GPN2: variants seen among roughly 807,000 people sequenced by gnomAD.
The protein encoded by GPN2 is GPN-loop GTPase 2.
A neutral mutation model predicts 30.1 loss-of-function variants in GPN2; 27 were observed. The observed-to-expected ratio is 0.90, with a 90% confidence interval of 0.66 to 1.24. The LOEUF (loss-of-function observed/expected upper bound fraction) is 1.24. Among genes scored for constraint, GPN2 ranks in the 50% most tolerant of loss-of-function variants. GPN2 has a pLI of 0.00. For missense variants in GPN2, 406 were observed against 405.4 expected, an observed-to-expected ratio of 1.00 and a Z score of -0.01; for synonymous variants, 212 against 174.4, an observed-to-expected ratio of 1.22 and a Z score of -1.70.
intron 4 of GPN2, among the ~76,000 whole-genome samples, chr1:26,880,051 T>G (rs190816277): frequency 6.6e-6 from 1 of 152,234 alleles, no homozygotes; most frequent in Non-Finnish European, 1.5e-5. Flanking sequence ...GATGTCTGGG[T>G]CTGGGGTCTG....
intron 4 of GPN2, among the ~76,000 whole-genome samples, chr1:26,881,279 G>A (rs919731024): frequency 2.0e-5 from 3 of 152,022 alleles, no homozygotes; most frequent in African/African-American, 4.8e-5. Flanking sequence ...GCTTAGTTTC[G>A]CCTACCTTAA....
At chr1:26,882,893 A>G (rs2081871572) in intron 4 of GPN2, among the ~76,000 whole-genome samples, 1 of 152,134 alleles carries the variant, frequency 6.6e-6, no homozygotes, top group Non-Finnish European at 1.5e-5. Context: ...TTCCTGCCTC[A>G]GTGATTAGTA....
At chr1:26,887,283 AAAG>A (rs1557656702) in intron 2 of GPN2, among the ~76,000 whole-genome samples, 1 of 152,158 alleles carries the variant, frequency 6.6e-6, no homozygotes, top group Non-Finnish European at 1.5e-5. Context: ...TTTCTCACTA[AAAG>A]AAGTAAGTTG....
rs1265266487 is a variant in GPN2, at chr1:26,886,143, G to A, written c.569-10C>T. Reference sequence around the variant, plus strand: ...TAGTCCAGGTTGAAGGCTAAAGAGAGAAACCAGTGTTCAGGAGCAACCAGT... The same window carrying A: ...TAGTCCAGGTTGAAGGCTAAAGAGAAAAACCAGTGTTCAGGAGCAACCAGT... On this transcript the variant is annotated splice_polypyrimidine_tract_variant and intron_variant, in intron 2 of 4. Transcript: ENST00000374135. 1.2e-6 allele frequency: 2 copies of A among 1,610,898 alleles called. No homozygotes were observed. Among genetic ancestry groups the A allele is most frequent in the Non-Finnish European group, 1.7e-6 (2 of 1,177,660 alleles).
chr1:26,881,117 G>T (rs1371448499), intron 4 of GPN2, among the ~76,000 whole-genome samples: 1 of 152,182 alleles, frequency 6.6e-6, no homozygotes, highest in Non-Finnish European at 1.5e-5. Flanking sequence ...ACATGGTTTT[G>T]TGAATAGAAT....
intron 2 of GPN2, chr1:26,886,413 A>C: frequency 2.0e-6 from 1 of 500,050 alleles, no homozygotes; most frequent in Admixed American, 2.3e-5. Flanking sequence ...AACTGCAAAC[A>C]GGCTGGGCAC....
rs773861407 is a variant in GPN2 at position 26,879,666 on chromosome 1, C to T, written c.*11G>A. 3 of 1,605,240 alleles carry T rather than the reference C, an allele frequency of 1.9e-6. No individual in the cohort carries two copies. In the South Asian group the frequency reaches 3.3e-5, roughly 18 times the overall value. Reference sequence around the variant, plus strand: ...GATTATGCATCCTGCTCTCCAGGGTCCACCTTGTTGCTACAGCTGCATGGC... The same window carrying T: ...GATTATGCATCCTGCTCTCCAGGGTTCACCTTGTTGCTACAGCTGCATGGC... On this transcript the variant is annotated 3_prime_UTR_variant, in exon 5 of 5. Transcript: ENST00000374135.
rs546397909 is a variant in GPN2, at chr1:26,886,445, C to T, written c.569-312G>A. 5.0e-4 allele frequency: 235 copies of T among 469,206 alleles called. 6 individuals are homozygous for T. The highest frequency in any genetic ancestry group is 2.9e-3 in the South Asian group (190 of 64,484). The allele number at this position is 469,206 out of a possible 1,614,324, so 29.1% of individuals were successfully genotyped here. ...GCACGGTGGCTCATGCCTGTAATCC[C>T]AGCACTTTGGGAAGCCGAGGTGGGT... On this transcript the variant is annotated intron_variant, in intron 2 of 4. Coordinates refer to ENST00000374135, the MANE Select transcript of GPN2 (RefSeq NM_018066.4).
At chr1:26,887,512 G>A (rs2124003526) in intron 2 of GPN2, among the ~76,000 whole-genome samples, 1 of 151,800 alleles carries the variant, frequency 6.6e-6, no homozygotes, top group East Asian at 1.9e-4. Context: ...AGGTTCCTTT[G>A]TTGCTAGAGA....
At chr1:26,885,480 T>C (rs1248488544) in intron 3 of GPN2, among the ~76,000 whole-genome samples, 1 of 151,950 alleles carries the variant, frequency 6.6e-6, no homozygotes, top group African/African-American at 2.4e-5. Context: ...GGCAAAAGTT[T>C]GGTCCACTCT....
intron 2 of GPN2, chr1:26,888,764 A>T: frequency 1.6e-6 from 1 of 633,230 alleles, no homozygotes; most frequent in Non-Finnish European, 2.9e-6. Context: ...AACACCTAAC[A>T]CCATCTGTAG....
At chr1:26,884,332 A>G in intron 3 of GPN2, 42 bp from the exon 4 acceptor site, 2 of 1,580,934 alleles carry the variant, frequency 1.3e-6, no homozygotes, top group Non-Finnish European at 1.7e-6. Context: ...GTGAAACAGA[A>G]GTATGTAAAA....
intron 2 of GPN2, 36 bp from the exon 3 acceptor site, chr1:26,886,169 A>G (rs1157122515): frequency 2.6e-6 from 4 of 1,550,100 alleles, no homozygotes; most frequent in African/African-American, 2.7e-5. Context: ...AGCAACCAGT[A>G]TCAGGCTAAA....
At chr1:26,889,432 C>T (rs553084415) in intron 1 of GPN2, among the ~76,000 whole-genome samples, 1 of 152,306 alleles carries the variant, frequency 6.6e-6, no homozygotes, top group South Asian at 2.1e-4. Context: ...GACATTAACC[C>T]CTTCCATACT....
chr1:26,886,509 G>A (rs2081891905), intron 2 of GPN2: 1 of 452,942 alleles, frequency 2.2e-6, no homozygotes, highest in African/African-American at 2.0e-5. Context: ...AGCCAACATG[G>A]TGAAACTCCA....
intron 4 of GPN2, among the ~76,000 whole-genome samples, chr1:26,880,935 C>T (rs1019649581): frequency 6.6e-5 from 10 of 152,240 alleles, no homozygotes; most frequent in African/African-American, 2.4e-4. Flanking sequence ...CCTTACCCAC[C>T]TACCCTTCAG....
intron 2 of GPN2, among the ~76,000 whole-genome samples, chr1:26,887,488 T>C (rs2081896628): frequency 6.6e-6 from 1 of 152,192 alleles, no homozygotes; most frequent in Admixed American, 6.5e-5. Flanking sequence ...CTGGTCATTT[T>C]ATCTGTCTTC....
chr1:26,889,671 C>T lies in GPN2; in HGVS notation c.411+15G>A. ...ACTCCATCCGCAAAATGGGCCTCCCCGCCCTGAGACGCACCCTGAGGTCCC... is the reference window on the plus strand; with the variant it reads ...ACTCCATCCGCAAAATGGGCCTCCCTGCCCTGAGACGCACCCTGAGGTCCC... On this transcript the variant is annotated intron_variant, in intron 1 of 4. Coordinates refer to ENST00000374135, the MANE Select transcript of GPN2 (RefSeq NM_018066.4). The T allele has an allele frequency of 1.3e-6, 2 of 1,554,826 alleles. No individual in the cohort carries two copies. The highest frequency in any genetic ancestry group is 1.7e-6 in the Non-Finnish European group (2 of 1,147,186).
rs771410455 is a variant in GPN2, at chr1:26,889,075, C to G, written c.462G>C (p.Lys154Asn). 2 of 1,613,970 alleles carry G rather than the reference C, an allele frequency of 1.2e-6. No individual in the cohort carries two copies. Among genetic ancestry groups the G allele is most frequent in the Admixed American group, 3.3e-5 (2 of 60,024 alleles). ...GGGAGGTACACAGTACTGAAATGAA[C>G]TTGGCAGGGTCTGTGCAGTAGTGAG... ...VDSHYCTDPA[K>N]FISVLCTSLA... The change falls in exon 2 of 5, where the codon AAG (lysine) becomes AAC (asparagine). Residue 154 changes from lysine to asparagine, a missense_variant. By Grantham distance (94) the Lys-to-Asn change is moderately conservative. Transcript: ENST00000374135.
Sources: gnomAD v4.1 joint callset for allele counts (sites outside exome capture counted in the v4.1 genomes callset) on GRCh38, gnomAD v4.1.1 for gene constraint, MANE v1.5 for transcripts, NCBI Gene and HGNC (gene_info 2026-07-23, HGNC 2026-07-21) for gene names.